Variants in TTC33 observed in about 807,000 individuals in gnomAD.
TTC33 encodes tetratricopeptide repeat domain 33.
In TTC33, 24 loss-of-function variants were observed where a neutral mutation model predicts 29.4. The ratio of observed to expected loss-of-function variants is 0.82; its 90% confidence interval spans 0.59 to 1.15. The LOEUF is 1.15. Ranked by LOEUF, TTC33 falls within the 50% of genes most tolerant of loss-of-function variation. TTC33 has a pLI of 0.00. For synonymous variants in TTC33, 107 were observed against 100.3 expected (o/e 1.07, Z -0.40); for missense variants, 286 against 310.4 (o/e 0.92, Z 0.59).
At chr5:40,723,076 T>G (rs987846785) in intron 4 of TTC33, among the ~76,000 whole-genome samples, 6 of 152,168 alleles carry the variant, frequency 3.9e-5, no homozygotes, top group African/African-American at 1.4e-4. Context: ...AGACTCCATT[T>G]TGTTCTGTAC....
chr5:40,738,539 CAATAA>C (rs1164887852), intron 2 of TTC33, among the ~76,000 whole-genome samples: 3,854 of 67,894 alleles, frequency 0.057, 380 homozygotes, highest in South Asian at 0.14. Context: ...CAATAAAATA[CAATAA>C]AATAAAATAA....
chr5:40,738,034 G>A (rs1742593719), intron 2 of TTC33, among the ~76,000 whole-genome samples: 1 of 152,194 alleles, frequency 6.6e-6, no homozygotes, highest in Non-Finnish European at 1.5e-5. Flanking sequence ...AACAGTCTTT[G>A]TGTGGATATA....
chr5:40,734,289 G>A (rs1293786051), intron 2 of TTC33, among the ~76,000 whole-genome samples: 3 of 134,234 alleles, frequency 2.2e-5, no homozygotes, highest in Non-Finnish European at 3.2e-5. Flanking sequence ...AATTTCTGCA[G>A]CATATCTCTT....
chr5:40,717,340 G>C (rs1742023742), intron 4 of TTC33, among the ~76,000 whole-genome samples: 1 of 151,724 alleles, frequency 6.6e-6, no homozygotes, highest in African/African-American at 2.4e-5. Context: ...AGCACAGAAA[G>C]AGTAGAAACC....
intron 4 of TTC33, among the ~76,000 whole-genome samples, 172 bp from the exon 5 acceptor site, chr5:40,716,670 A>G (rs1742009063): frequency 6.6e-6 from 1 of 152,226 alleles, no homozygotes; most frequent in Admixed American, 6.5e-5. Flanking sequence ...CACTGGGGAA[A>G]AAAATTATAG....
rs1475642347 is a variant in TTC33 at position 40,712,644 on chromosome 5, G to A, written c.*3501C>T. Among the ~76,000 whole-genome samples, 2 of 152,190 alleles carry A rather than the reference G, an allele frequency of 1.3e-5. No homozygotes were observed. The highest frequency in any genetic ancestry group is 3.8e-4 in the East Asian group (2 of 5,204). ...AAGGTTCACAATGTAGCTGGCAAGAGACCACAACATCGGTTCTCTGCAGTT... is the reference window on the plus strand; with the variant it reads ...AAGGTTCACAATGTAGCTGGCAAGAAACCACAACATCGGTTCTCTGCAGTT... On this transcript the variant is annotated 3_prime_UTR_variant, in exon 5 of 5. Transcript: ENST00000337702.
At chr5:40,727,019 C>G (rs550038938) in intron 4 of TTC33, among the ~76,000 whole-genome samples, 1 of 152,204 alleles carries the variant, frequency 6.6e-6, no homozygotes, top group South Asian at 2.1e-4. Context: ...CTGTGAATCT[C>G]ATTTAGATTA....
At chr5:40,724,460 C>G (rs1267031971) in intron 4 of TTC33, among the ~76,000 whole-genome samples, 1 of 152,038 alleles carries the variant, frequency 6.6e-6, no homozygotes, top group Non-Finnish European at 1.5e-5. Flanking sequence ...CGGTGAAACC[C>G]TGTCTCTACT....
chr5:40,722,831 C>T (rs1198000484), intron 4 of TTC33, among the ~76,000 whole-genome samples: 1 of 151,092 alleles, frequency 6.6e-6, no homozygotes, highest in East Asian at 2.0e-4. Flanking sequence ...GCGCAGCCCC[C>T]ACCCGGCCAG....
intron 3 of TTC33, 50 bp from the exon 4 acceptor site, chr5:40,728,526 GC>G (rs754317994): frequency 6.7e-7 from 1 of 1,503,280 alleles, no homozygotes; most frequent in South Asian, 1.3e-5. Flanking sequence ...TCATAAACTA[GC>G]AACTACATAA....
chr5:40,746,408 A>G (rs1742788895), intron 2 of TTC33, among the ~76,000 whole-genome samples: 2 of 152,182 alleles, frequency 1.3e-5, no homozygotes, highest in African/African-American at 4.8e-5. Context: ...TGTGCCCTCA[A>G]AGCTATTCAG....
At chr5:40,725,930 C>G (rs1159438727) in intron 4 of TTC33, among the ~76,000 whole-genome samples, 1 of 151,362 alleles carries the variant, frequency 6.6e-6, no homozygotes, top group African/African-American at 2.4e-5. Flanking sequence ...GGACTACAGG[C>G]GCCCGCCACC....
rs556898545 is a variant in TTC33 at position 40,739,702 on chromosome 5, G to A, written c.221+7096C>T. ...ATGCCAACATTATGCTTCCTATGCA[G>A]CCCACAGAACCGTGAGCCAATTAAA... On this transcript the variant is annotated intron_variant, in intron 2 of 4. Transcript: ENST00000337702. Among the ~76,000 whole-genome samples the A allele has an allele frequency of 9.9e-5, 15 of 152,222 alleles. No individual in the cohort carries two copies. The South Asian group carries it at 1.2e-3, about 13-fold the overall frequency.
intron 2 of TTC33, among the ~76,000 whole-genome samples, chr5:40,734,152 A>G (rs1742496242): frequency 6.6e-6 from 1 of 152,160 alleles, no homozygotes; most frequent in Non-Finnish European, 1.5e-5. Context: ...AACTTATTCA[A>G]TTCTTCCCCC....
intron 4 of TTC33, among the ~76,000 whole-genome samples, chr5:40,717,844 A>T (rs1014169388): frequency 6.6e-6 from 1 of 151,770 alleles, no homozygotes; most frequent in Non-Finnish European, 1.5e-5. Context: ...CAGGCGGATC[A>T]CCTGAGGTCA....
Position 40,711,908 on chromosome 5 carries a change from T to C in TTC33, c.*4237A>G, listed in dbSNP as rs1280095346. Among the ~76,000 whole-genome samples the C allele has an allele frequency of 6.6e-6, 1 of 152,150 alleles. No individual in the cohort carries two copies. Among genetic ancestry groups the C allele is most frequent in the Non-Finnish European group, 1.5e-5 (1 of 68,012 alleles). Reference sequence around the variant, plus strand: ...AGAAAAGTAGTTGACTAGGGATGGCTGTTCAGGTGGAGGGGAACCAACTGC... The same window carrying C: ...AGAAAAGTAGTTGACTAGGGATGGCCGTTCAGGTGGAGGGGAACCAACTGC... On this transcript the variant is annotated 3_prime_UTR_variant, in exon 5 of 5. Coordinates refer to ENST00000337702, the MANE Select transcript of TTC33 (RefSeq NM_012382.3).
chr5:40,719,368 G>A (rs577460261), intron 4 of TTC33, among the ~76,000 whole-genome samples: 5 of 152,176 alleles, frequency 3.3e-5, no homozygotes, highest in Non-Finnish European at 5.9e-5. Flanking sequence ...AAGTTCATCC[G>A]TGTTGTAACA....
At chr5:40,753,464 C>T (rs1267724630) in intron 1 of TTC33, among the ~76,000 whole-genome samples, 5 of 151,392 alleles carry the variant, frequency 3.3e-5, no homozygotes, top group African/African-American at 9.7e-5. Flanking sequence ...TTTTTAAAAC[C>T]TGGAGGACTA....
chr5:40,746,971 C>T lies in TTC33; in HGVS notation c.48G>A (p.Lys16=), dbSNP rs753454959. The T allele has an allele frequency of 5.6e-6, 9 of 1,614,044 alleles. No individual in the cohort carries two copies. In the East Asian group the frequency reaches 1.6e-4, roughly 28 times the overall value. The change falls in exon 2 of 5, where the codon AAG becomes AAA. Residue 16 remains lysine (K), a synonymous_variant. Coordinates refer to ENST00000337702, the MANE Select transcript of TTC33 (RefSeq NM_012382.3). The stretch of plus-strand genomic sequence containing the variant: ...CAGCTTCAAACTGCTGGGAAGTGAC[C>T]TTTGAGACCTTCTCACCAATTTTCC... The part of the protein sequence containing the change: ...WKRKIGEKVS[K]VTSQQFEAEA...
Sources: allele counts gnomAD v4.1 joint callset (sites outside exome capture counted in the v4.1 genomes callset), GRCh38; gene constraint gnomAD v4.1.1; transcripts MANE v1.5; gene names NCBI Gene and HGNC (gene_info 2026-07-23, HGNC 2026-07-21).